THAP3: variants seen among roughly 807,000 people sequenced by gnomAD.
THAP3 encodes the protein THAP domain containing 3, also known as THAP domain-containing protein 3.
In THAP3, 12 loss-of-function variants were observed where a neutral mutation model predicts 17.7. That is an observed-to-expected ratio of 0.68 (90% confidence interval 0.43 to 1.10). The LOEUF is 1.10. THAP3 is among the 50% of genes least tolerant of loss of function. THAP3 has a pLI of 0.00. For missense variants in THAP3, 289 were observed against 318.0 expected (o/e 0.91, Z 0.69); for synonymous variants, 133 against 126.9 (o/e 1.05, Z -0.32).
intron 3 of THAP3, 108 bp from the exon 4 acceptor site, chr1:6,630,180 T>C (rs1320294247): frequency 2.1e-6 from 2 of 931,782 alleles, no homozygotes. Flanking sequence ...GTTCGTTGAC[T>C]GGGGCATGCA....
intron 2 of THAP3, 168 bp from the exon 3 acceptor site, chr1:6,628,331 C>T: frequency 1.6e-6 from 1 of 614,154 alleles, no homozygotes; most frequent in Middle Eastern, 4.5e-4. Flanking sequence ...AGTGCTTTAA[C>T]AGCTGTGACA....
chr1:6,633,383 A>G lies in THAP3; in HGVS notation c.*306A>G. The G allele has an allele frequency of 1.6e-6, 2 of 1,245,294 alleles. No homozygotes were observed. The highest frequency in any genetic ancestry group is 2.0e-6 in the Non-Finnish European group (2 of 984,346). The allele number at this position is 1,245,294 out of a possible 1,614,324, so 77.1% of individuals were successfully genotyped here. A position where few individuals can be genotyped will look rare whatever the true frequency, so the allele number is the denominator to read the frequency against. ...TCCTTTCAGCACACGCAGAGCAAAG[A>G]TCGTTGGAAGCCCCAGTGTGGGAGA... On this transcript the variant is annotated 3_prime_UTR_variant, in exon 6 of 6. Transcript: ENST00000054650.
downstream of THAP3, chr1:6,634,293 C>CA: frequency 1.1e-6 from 1 of 899,794 alleles, no homozygotes; most frequent in Non-Finnish European, 1.6e-6. Context: ...GGCCCAGGCT[C>CA]ATGCAACACG....
In THAP3 at chr1:6,628,630, A is replaced by C; in HGVS notation, c.206A>C (p.Asn69Thr). 1 of 1,613,794 alleles carries C rather than the reference A, an allele frequency of 6.2e-7. No individual in the cohort carries two copies. Among genetic ancestry groups the C allele is most frequent in the Non-Finnish European group, 8.5e-7 (1 of 1,180,014 alleles). ...FRPECFSAFGNRKNLKHNAVP... is the reference protein window; with the variant it reads ...FRPECFSAFGTRKNLKHNAVP... Reference sequence around the variant, plus strand: ...CCAGAGTGCTTCAGCGCCTTTGGAAACCGCAAGAACCTAAAGCACAATGCC... The same window carrying C: ...CCAGAGTGCTTCAGCGCCTTTGGAACCCGCAAGAACCTAAAGCACAATGCC... The change falls in exon 3 of 6, where the codon AAC (asparagine) becomes ACC (threonine). Residue 69 changes from asparagine (N) to threonine (T), a missense_variant. Transcript: ENST00000054650.
chr1:6,634,833 T>A (rs887354231), downstream of THAP3: 1 of 1,243,478 alleles, frequency 8.0e-7, no homozygotes, highest in Admixed American at 2.7e-5. Context: ...TTGGGTTGGG[T>A]GTGTCTGATG....
intron 4 of THAP3, 39 bp from the exon 5 acceptor site, chr1:6,632,352 T>C: frequency 6.2e-7 from 1 of 1,610,876 alleles, no homozygotes; most frequent in East Asian, 2.2e-5. Flanking sequence ...GCCCTGCATG[T>C]GCAGGGCTGT....
chr1:6,625,095 C>G (rs1641422566), intron 1 of THAP3, 55 bp from the exon 2 acceptor site: 1 of 1,139,426 alleles, frequency 8.8e-7, no homozygotes, highest in East Asian at 3.0e-5. Context: ...TGAGCGCGCC[C>G]TGGAGGCGAG....
At chr1:6,634,600 A>T (rs750988686), downstream of THAP3, 14 of 1,366,126 alleles carry the variant, frequency 1.0e-5, no homozygotes, top group South Asian at 1.5e-4. Flanking sequence ...CCAGGCCCCG[A>T]GAGACAGGCC....
At chr1:6,634,592 A>G (rs1318510331), downstream of THAP3, 1 of 1,365,908 alleles carries the variant, frequency 7.3e-7, no homozygotes, top group Non-Finnish European at 9.8e-7. Flanking sequence ...TGCCACTTCC[A>G]GGCCCCGAGA....
intron 2 of THAP3, chr1:6,628,261 A>T (rs1570242161): frequency 2.0e-6 from 1 of 488,666 alleles, no homozygotes; most frequent in Middle Eastern, 5.4e-4. Context: ...CAAATGTAGC[A>T]TCGGAAGCAG....
At chr1:6,625,068 T>A (rs1378604809) in intron 1 of THAP3, 82 bp from the exon 2 acceptor site, 5 of 827,742 alleles carry the variant, frequency 6.0e-6, no homozygotes, top group Non-Finnish European at 9.1e-6. Flanking sequence ...GAGACGCGGG[T>A]GGCTGGGATG....
downstream of THAP3, chr1:6,635,461 G>A (rs62622832): frequency 9.1e-3 from 5,035 of 554,374 alleles, 41 homozygotes; most frequent in Non-Finnish European, 0.012. Context: ...CCAGGCTGCA[G>A]TCTGGTTCCC....
At chr1:6,632,545 T>G in intron 5 of THAP3, 50 bp downstream of exon 5, 1 of 1,610,292 alleles carries the variant, frequency 6.2e-7, no homozygotes, top group South Asian at 1.1e-5. Flanking sequence ...GATGACTTGC[T>G]CCAAACAAAA....
intron 2 of THAP3, among the ~76,000 whole-genome samples, chr1:6,627,375 C>T (rs531887844): frequency 9.2e-5 from 14 of 152,198 alleles, no homozygotes; most frequent in Non-Finnish European, 2.1e-4. Context: ...AAACAAACTT[C>T]TTTTTTTGGA....
chr1:6,628,823 C>T (rs111442876), intron 3 of THAP3, 132 bp downstream of exon 3: 15 of 894,164 alleles, frequency 1.7e-5, no homozygotes, highest in African/African-American at 6.7e-5. Context: ...AGCACTGTCA[C>T]GCCTCTGGGG....
At chr1:6,630,877 C>CT (rs57542230) in intron 4 of THAP3, among the ~76,000 whole-genome samples, 8,627 of 144,470 alleles carry the variant, frequency 0.06, 462 homozygotes, top group African/African-American at 0.14. Flanking sequence ...TGGGCCCCCA[C>CT]TTTTTTTTTT....
intron 2 of THAP3, chr1:6,627,820 T>G (rs1374836453): frequency 6.6e-6 from 1 of 152,312 alleles, no homozygotes; most frequent in African/African-American, 2.4e-5. Flanking sequence ...CATTACCACT[T>G]CCTGCCAATG....
downstream of THAP3, chr1:6,633,955 C>T: frequency 7.0e-7 from 1 of 1,437,472 alleles, no homozygotes; most frequent in Non-Finnish European, 9.6e-7. Context: ...TAATTTATAG[C>T]TTTAGTGAAT....
chr1:6,630,184 G>C, intron 3 of THAP3, 104 bp from the exon 4 acceptor site: 3 of 960,300 alleles, frequency 3.1e-6, no homozygotes, highest in South Asian at 2.6e-5. Context: ...GTTGACTGGG[G>C]CATGCAGTGG....
Sources: allele counts gnomAD v4.1 joint callset (sites outside exome capture counted in the v4.1 genomes callset), GRCh38; gene constraint gnomAD v4.1.1; transcripts MANE v1.5; gene names NCBI Gene and HGNC (gene_info 2026-07-23, HGNC 2026-07-21).